The following RASGEF1A variants were observed in gnomAD, a reference collection of about 807,000 sequenced individuals.
RASGEF1A encodes RasGEF domain family member 1A.
A neutral mutation model predicts 56.4 loss-of-function variants in RASGEF1A; 18 were observed. The observed-to-expected ratio is 0.32, with a 90% CI of 0.22 to 0.47. RASGEF1A has a LOEUF of 0.47. Among genes scored for constraint, RASGEF1A ranks in the 20% least tolerant of loss-of-function variants. The pLI is 1.00. For missense variants in RASGEF1A, 422 were observed against 627.1 expected, an observed-to-expected ratio of 0.67 and a Z score of 3.49; for synonymous variants, 245 against 242.6, an observed-to-expected ratio of 1.01 and a Z score of -0.09.
At position 43,234,123 on chromosome 10, in the gene RASGEF1A, C is replaced by A. The variant is rs370712961; in HGVS notation, c.-6-28001G>T. On this transcript the variant is annotated intron_variant, in intron 1 of 12. Coordinates refer to ENST00000395810, the MANE Select transcript of RASGEF1A (RefSeq NM_145313.4). ...ATCTGGGTGTCCCTGCGGAGTCACC[C>A]CATGAAAAATCACCAAGTGTACACT... 2.5e-4 allele frequency among the ~76,000 whole-genome samples: 38 copies of A among 152,256 alleles called. No individual in the cohort carries two copies. In the South Asian group the frequency reaches 7.3e-3, roughly 29 times the overall value.
At chr10:43,230,481 G>A (rs1043516342) in intron 1 of RASGEF1A, among the ~76,000 whole-genome samples, 9 of 152,194 alleles carry the variant, frequency 5.9e-5, no homozygotes, top group African/African-American at 2.2e-4. Flanking sequence ...GATGCGGACG[G>A]GAAAGATGCG....
intron 6 of RASGEF1A, 120 bp from the exon 7 acceptor site, chr10:43,199,888 G>A (rs2133180041): frequency 9.2e-6 from 8 of 865,016 alleles, no homozygotes; most frequent in South Asian, 9.0e-5. Flanking sequence ...CCTCAATCAT[G>A]CCTGCGTGCT....
At chr10:43,262,051 C>T (rs1256114770) in intron 1 of RASGEF1A, among the ~76,000 whole-genome samples, 1 of 152,100 alleles carries the variant, frequency 6.6e-6, no homozygotes, top group Non-Finnish European at 1.5e-5. Context: ...CAGGACACAC[C>T]CGGATGCACT....
At chr10:43,256,648 A>G (rs1836413363) in intron 1 of RASGEF1A, among the ~76,000 whole-genome samples, 1 of 152,096 alleles carries the variant, frequency 6.6e-6, no homozygotes, top group Admixed American at 6.5e-5. Context: ...TCCCCCACAC[A>G]GTCTCCCGTC....
chr10:43,218,922 G>A (rs898599887), intron 1 of RASGEF1A, among the ~76,000 whole-genome samples: 1 of 152,244 alleles, frequency 6.6e-6, no homozygotes, highest in Admixed American at 6.5e-5. Context: ...GAAGGAATCT[G>A]GTCGTCTCCT....
chr10:43,242,131 C>T (rs984389214), intron 1 of RASGEF1A, among the ~76,000 whole-genome samples: 2 of 151,768 alleles, frequency 1.3e-5, no homozygotes, highest in African/African-American at 4.8e-5. Flanking sequence ...GAACGAGACT[C>T]CATCTCAAAA....
chr10:43,219,653 G>A (rs1033907515), intron 1 of RASGEF1A, among the ~76,000 whole-genome samples: 3 of 152,204 alleles, frequency 2.0e-5, no homozygotes, highest in Non-Finnish European at 2.9e-5. Flanking sequence ...GAGGGACAGT[G>A]AGCGGGCAGG....
In RASGEF1A at chr10:43,260,808, A is replaced by G. The variant is rs116997209; in HGVS notation, c.-7+6037T>C. On this transcript the variant is annotated intron_variant, in intron 1 of 12. Transcript: ENST00000395810. Reference sequence around the variant, plus strand: ...CAGCGCTCAGCATTCTATTTTTATCATTTAACCCCAAACTTTCTATTCCAT... The same window carrying G: ...CAGCGCTCAGCATTCTATTTTTATCGTTTAACCCCAAACTTTCTATTCCAT... Among the ~76,000 whole-genome samples the G allele has an allele frequency of 5.2e-3, 798 of 152,372 alleles. 7 individuals are homozygous for G. Among genetic ancestry groups the G allele is most frequent in the South Asian group, 0.013 (65 of 4,830 alleles).
Position 43,199,718 on chromosome 10 carries a change from C to T in RASGEF1A, c.807G>A (p.Trp269Ter). The T allele has an allele frequency of 6.2e-7, 1 of 1,613,766 alleles. No individual in the cohort carries two copies. Among genetic ancestry groups the T allele is most frequent in the Non-Finnish European group, 8.5e-7 (1 of 1,180,032 alleles). ...CCACCAGCATGCTCAGGCAGTTGAA[C>T]CAGTTGTCATAGGCCTCCAGGCTGT... is the stretch of plus-strand genomic sequence containing the variant. ...KTYSLEAYDN[W>*]FNCLSMLVAT... Residue 269 changes from tryptophan (W) to a stop codon, truncating the protein, a stop_gained, in exon 7 of 13, where the codon TGG (tryptophan) becomes TGA (stop). Coordinates refer to ENST00000395810, the MANE Select transcript of RASGEF1A (RefSeq NM_145313.4). LOFTEE classifies it high-confidence loss of function.
chr10:43,236,675 A>C (rs1384002650), intron 1 of RASGEF1A, among the ~76,000 whole-genome samples: 1 of 152,202 alleles, frequency 6.6e-6, no homozygotes, highest in Non-Finnish European at 1.5e-5. Flanking sequence ...ACAGCATAAC[A>C]CAGTACGTGC....
intron 1 of RASGEF1A, among the ~76,000 whole-genome samples, chr10:43,206,520 C>T (rs1188285259): frequency 1.3e-5 from 2 of 152,210 alleles, no homozygotes; most frequent in Admixed American, 6.5e-5. Context: ...AAGAAAGGAA[C>T]ACCCTAGGCA....
intron 1 of RASGEF1A, among the ~76,000 whole-genome samples, chr10:43,255,024 C>A (rs1332732820): frequency 1.3e-5 from 2 of 152,158 alleles, no homozygotes; most frequent in African/African-American, 2.4e-5. Flanking sequence ...TCCCAGGCAT[C>A]TGGAGAGGAA....
At chr10:43,219,178 C>A (rs986708868) in intron 1 of RASGEF1A, among the ~76,000 whole-genome samples, 4 of 152,226 alleles carry the variant, frequency 2.6e-5, no homozygotes, top group Admixed American at 6.5e-5. Context: ...CCTGCTCCCC[C>A]CTCCCCTTGG....
At chr10:43,230,874 GA>G (rs1463194007) in intron 1 of RASGEF1A, among the ~76,000 whole-genome samples, 1 of 152,194 alleles carries the variant, frequency 6.6e-6, no homozygotes, top group East Asian at 1.9e-4. Flanking sequence ...TCTGTCTTGG[GA>G]AAGTAGGGGC....
chr10:43,198,068 T>G lies in RASGEF1A; in HGVS notation c.1160A>C (p.Lys387Thr). 6.2e-7 allele frequency: 1 copy of G among 1,614,178 alleles called. No homozygotes were observed. The highest frequency in any genetic ancestry group is 8.5e-7 in the Non-Finnish European group (1 of 1,179,992). Reference sequence around the variant, plus strand: ...GATTTTGTGCAGGAAGTAGATGTCCTTAACGAAGAGGTTGAACACAGGGAT... The same window carrying G: ...GATTTTGTGCAGGAAGTAGATGTCCGTAACGAAGAGGTTGAACACAGGGAT... The part of the protein sequence containing the change: ...IVIPVFNLFV[K>T]DIYFLHKIHT... The change falls in exon 10 of 13, where the codon AAG becomes ACG. Residue 387 changes from lysine to threonine, a missense_variant. Lys to Thr is a moderately conservative substitution (Grantham distance 78). Coordinates refer to ENST00000395810, the MANE Select transcript of RASGEF1A (RefSeq NM_145313.4).
chr10:43,244,220 T>C (rs1840544061), intron 1 of RASGEF1A, among the ~76,000 whole-genome samples: 1 of 152,286 alleles, frequency 6.6e-6, no homozygotes, highest in Non-Finnish European at 1.5e-5. Flanking sequence ...CGTTCCCTAA[T>C]CTCAAGTACC....
At chr10:43,252,480 G>A (rs558326644) in intron 1 of RASGEF1A, among the ~76,000 whole-genome samples, 2 of 152,184 alleles carry the variant, frequency 1.3e-5, no homozygotes. Flanking sequence ...GCTCTTTCTA[G>A]TAGGCAGGCC....
intron 1 of RASGEF1A, among the ~76,000 whole-genome samples, chr10:43,245,671 C>T (rs1052552135): frequency 6.6e-6 from 1 of 152,134 alleles, no homozygotes; most frequent in Non-Finnish European, 1.5e-5. Context: ...ACATAATCAT[C>T]ACAATAGATG....
At chr10:43,207,221 T>C (rs1271254153) in intron 1 of RASGEF1A, 2 of 985,414 alleles carry the variant, frequency 2.0e-6, no homozygotes, top group African/African-American at 3.5e-5. Flanking sequence ...TGCCAGCGGC[T>C]GAGGTCAGGT....
Sources: gnomAD v4.1 joint callset for allele counts (sites outside exome capture counted in the v4.1 genomes callset) on GRCh38, gnomAD v4.1.1 for gene constraint, MANE v1.5 for transcripts, NCBI Gene and HGNC (gene_info 2026-07-23, HGNC 2026-07-21) for gene names.